Variants in CALN1 observed in about 807,000 individuals in gnomAD.
CALN1 encodes calcium-binding protein 8.
A neutral mutation model predicts 30.6 loss-of-function variants in CALN1; 17 were observed. That is an observed-to-expected ratio of 0.56 (90% confidence interval 0.38 to 0.83). CALN1 has a LOEUF of 0.83. Among genes scored for constraint, CALN1 ranks in the 40% least tolerant of loss-of-function variants. CALN1 has a pLI of 0.00. For missense variants in CALN1, 291 were observed against 354.9 expected (o/e 0.82, Z 1.45); for synonymous variants, 156 against 131.4 (o/e 1.19, Z -1.28).
At chr7:71,987,079 T>C (rs150382068) in intron 5 of CALN1, among the ~76,000 whole-genome samples, 2,893 of 150,506 alleles carry the variant, frequency 0.019, 85 homozygotes, top group African/African-American at 0.068. Flanking sequence ...TGAGCCGAGA[T>C]CCCGCTACTG....
intron 5 of CALN1, among the ~76,000 whole-genome samples, chr7:71,909,494 C>T (rs1794314891): frequency 6.6e-6 from 1 of 151,634 alleles, no homozygotes; most frequent in Non-Finnish European, 1.5e-5. Context: ...ACATGGATTC[C>T]AATGGATTGG....
rs1470361352 is a variant in CALN1 at position 71,782,122 on chromosome 7, A to C, written c.*5653T>G. The stretch of plus-strand genomic sequence containing the variant: ...GTAATTGATCTCATTGCTCCAAACC[A>C]ATCATAGAGGCTGGATATTTGTTCC... On this transcript the variant is annotated 3_prime_UTR_variant, in exon 7 of 7. Transcript: ENST00000395275. 6.6e-6 allele frequency: 1 copy of C among 152,176 alleles called. No individual in the cohort carries two copies. Among genetic ancestry groups the C allele is most frequent in the Admixed American group, 6.5e-5 (1 of 15,272 alleles). The allele number at this position is 152,176 out of a possible 1,614,324, so 9.4% of individuals were successfully genotyped here.
intron 3 of CALN1, among the ~76,000 whole-genome samples, chr7:72,179,783 C>A (rs1789625127): frequency 6.6e-6 from 1 of 152,132 alleles, no homozygotes; most frequent in Non-Finnish European, 1.5e-5. Flanking sequence ...GACATCATGT[C>A]ATTTCACCCC....
intron 3 of CALN1, among the ~76,000 whole-genome samples, chr7:72,109,109 CAGAT>C (rs1807382585): frequency 1.3e-5 from 2 of 152,170 alleles, no homozygotes; most frequent in African/African-American, 4.8e-5. Context: ...AGGCGCTAGA[CAGAT>C]AGCTGTTCAA....
In CALN1 at chr7:72,198,280, G is replaced by A. The variant is rs541455358; in HGVS notation, c.244+80406C>T. Among the ~76,000 whole-genome samples the A allele has an allele frequency of 2.6e-5, 4 of 152,230 alleles. No homozygotes were observed. The South Asian group carries it at 8.3e-4, about 32-fold the overall frequency. The stretch of plus-strand genomic sequence containing the variant: ...GCTTTTTACTTTGGCATGATGAATG[G>A]CCATAAAAAACTATACACCTTCATG... On this transcript the variant is annotated intron_variant, in intron 3 of 6. Transcript: ENST00000395275.
intron 2 of CALN1, among the ~76,000 whole-genome samples, chr7:72,348,354 A>G (rs1802750635): frequency 6.6e-6 from 1 of 152,196 alleles, no homozygotes; most frequent in Non-Finnish European, 1.5e-5. Flanking sequence ...GTATCGCTGC[A>G]GAGGAAAAGG....
chr7:72,130,210 T>G (rs1399743071), intron 3 of CALN1, among the ~76,000 whole-genome samples: 1 of 152,196 alleles, frequency 6.6e-6, no homozygotes, highest in Non-Finnish European at 1.5e-5. Context: ...ACCAGAATCA[T>G]GAGCCATATA....
chr7:72,020,885 C>G (rs1259829657), intron 5 of CALN1, among the ~76,000 whole-genome samples: 2 of 151,442 alleles, frequency 1.3e-5, no homozygotes, highest in Admixed American at 6.6e-5. Context: ...TCCTTCTCAT[C>G]CAGATGAGGG....
intron 6 of CALN1, among the ~76,000 whole-genome samples, chr7:71,798,165 G>C (rs944703090): frequency 6.9e-6 from 1 of 145,846 alleles, no homozygotes; most frequent in Non-Finnish European, 1.5e-5. Context: ...GAGAGAGAGA[G>C]AGAGAGAGAG....
At chr7:71,886,824 T>G (rs1245434665) in intron 5 of CALN1, among the ~76,000 whole-genome samples, 1 of 151,706 alleles carries the variant, frequency 6.6e-6, no homozygotes, top group Non-Finnish European at 1.5e-5. Flanking sequence ...TGGGGTAGCA[T>G]TCTGCAATGA....
At chr7:71,968,879 T>C (rs1313724171) in intron 5 of CALN1, among the ~76,000 whole-genome samples, 1 of 144,634 alleles carries the variant, frequency 6.9e-6, no homozygotes, top group Non-Finnish European at 1.5e-5. Flanking sequence ...ACCACACCTC[T>C]ACAATTTTTT....
At chr7:71,930,536 A>G (rs12537492) in intron 5 of CALN1, among the ~76,000 whole-genome samples, 28,299 of 152,188 alleles carry the variant, frequency 0.19, 2,669 homozygotes, top group Non-Finnish European at 0.21. Context: ...GCTTCTTGAT[A>G]GTGTCTTTTT....
At chr7:72,249,828 T>C (rs1480150710) in intron 3 of CALN1, among the ~76,000 whole-genome samples, 1 of 151,934 alleles carries the variant, frequency 6.6e-6, no homozygotes, top group Admixed American at 6.6e-5. Context: ...TCACAGCTAC[T>C]TGGGAGGCTG....
At chr7:72,488,740 G>C in the CALN1 span, among the ~76,000 whole-genome samples, 2 of 152,084 alleles carry the variant, frequency 1.3e-5, no homozygotes, top group Non-Finnish European at 2.9e-5. Flanking sequence ...CTTGGGTACA[G>C]TGGTGCAATC....
At chr7:72,487,703 A>G in the CALN1 span, among the ~76,000 whole-genome samples, 1 of 95,366 alleles carries the variant, frequency 1.0e-5, no homozygotes, top group Non-Finnish European at 2.0e-5. Flanking sequence ...AGAAAGAAAG[A>G]AAAGAAAAGA....
chr7:72,357,900 G>A (rs569713135), intron 2 of CALN1, among the ~76,000 whole-genome samples: 1 of 149,698 alleles, frequency 6.7e-6, no homozygotes, highest in South Asian at 2.1e-4. Context: ...CAGCTCCCAG[G>A]CTCAAGGGAT....
At chr7:72,096,169 T>C (rs567660807) in intron 4 of CALN1, among the ~76,000 whole-genome samples, 4 of 152,186 alleles carry the variant, frequency 2.6e-5, no homozygotes, top group Non-Finnish European at 5.9e-5. Context: ...ATCTTAAACA[T>C]GCTTCCAAGT....
chr7:71,790,242 A>G (rs570254482), intron 6 of CALN1, among the ~76,000 whole-genome samples: 3 of 151,594 alleles, frequency 2.0e-5, no homozygotes, highest in African/African-American at 4.8e-5. Flanking sequence ...AGAATGAAAG[A>G]AAGGAAGGAA....
chr7:71,843,783 G>A (rs1483043925), intron 5 of CALN1, among the ~76,000 whole-genome samples: 1 of 152,162 alleles, frequency 6.6e-6, no homozygotes, highest in East Asian at 1.9e-4. Context: ...CATGAGGTAT[G>A]CTAAATGCCA....
Sources: allele counts gnomAD v4.1 joint callset (sites outside exome capture counted in the v4.1 genomes callset), GRCh38; gene constraint gnomAD v4.1.1; transcripts MANE v1.5; gene names NCBI Gene and HGNC (gene_info 2026-07-23, HGNC 2026-07-21).